Variants in CCDC97 observed in about 807,000 individuals in gnomAD.
The protein encoded by CCDC97 is coiled-coil domain containing 97.
In CCDC97, 27 loss-of-function variants were observed where a neutral mutation model predicts 33.9. The observed-to-expected ratio is 0.80, with a 90% CI of 0.59 to 1.10. The LOEUF (loss-of-function observed/expected upper bound fraction) is 1.10, where lower values mean the gene tolerates loss of function less well. Among genes scored for constraint, CCDC97 ranks in the 50% least tolerant of loss-of-function variants. The pLI is 0.00. For synonymous variants in CCDC97, 217 were observed against 194.0 expected, an observed-to-expected ratio of 1.12 and a Z score of -0.99; for missense variants, 422 against 476.6, an observed-to-expected ratio of 0.89 and a Z score of 1.07.
At chr19:41,316,251 T>C (rs2037744172) in intron 1 of CCDC97, 133 bp from the exon 2 acceptor site, 2 of 651,132 alleles carry the variant, frequency 3.1e-6, no homozygotes, top group South Asian at 4.0e-5. Context: ...TTGCTCACTG[T>C]GGTTTCTCTA....
At chr19:41,310,583 A>G (rs1175448362) in intron 1 of CCDC97, 1 of 985,068 alleles carries the variant, frequency 1.0e-6, no homozygotes, top group East Asian at 1.1e-4. Flanking sequence ...CCAGTTCCAG[A>G]CCAATCCTTT....
chr19:41,322,747 C>T lies in CCDC97; in HGVS notation c.*32C>T. On this transcript the variant is annotated 3_prime_UTR_variant, in exon 5 of 5. Transcript: ENST00000269967. ...CCACCCTTCCCACCGCCTGCCCCATCCCCATCCCCAACAAGGCAGCTGATT... is the reference window on the plus strand; with the variant it reads ...CCACCCTTCCCACCGCCTGCCCCATTCCCATCCCCAACAAGGCAGCTGATT... 2 of 1,606,024 alleles carry T rather than the reference C, an allele frequency of 1.2e-6. No homozygotes were observed. The highest frequency in any genetic ancestry group is 1.3e-5 in the African/African-American group (1 of 74,852).
At chr19:41,311,284 A>G (rs1339416807) in intron 1 of CCDC97, among the ~76,000 whole-genome samples, 1 of 151,994 alleles carries the variant, frequency 6.6e-6, no homozygotes, top group Non-Finnish European at 1.5e-5. Flanking sequence ...GCTACTCAGG[A>G]GACTAAGGTG....
In CCDC97 at chr19:41,320,346, A is replaced by C. The variant is rs746619936; in HGVS notation, c.787A>C (p.Arg263=). Residue 263 remains arginine (R), a synonymous_variant, in exon 4 of 5, where the codon AGG becomes CGG. Coordinates refer to ENST00000269967, the MANE Select transcript of CCDC97 (RefSeq NM_052848.3). ...EEEDSDEEDQ[R]SGKDSEAWVP... is the part of the protein sequence containing the mutation. Reference sequence around the variant, plus strand: ...CCTCTCCTCTCCCTCTGCAGACCAGAGGTCAGGCAAGGACTCGGAGGCCTG... The same window carrying C: ...CCTCTCCTCTCCCTCTGCAGACCAGCGGTCAGGCAAGGACTCGGAGGCCTG... 1 of 1,613,846 alleles carries C rather than the reference A, an allele frequency of 6.2e-7. No individual in the cohort carries two copies. The highest frequency in any genetic ancestry group is 1.1e-5 in the South Asian group (1 of 91,076).
At chr19:41,322,241 C>T (rs982943409) in intron 4 of CCDC97, among the ~76,000 whole-genome samples, 1 of 152,180 alleles carries the variant, frequency 6.6e-6, no homozygotes, top group Non-Finnish European at 1.5e-5. Flanking sequence ...ACTACAGGTG[C>T]TCACCACCAC....
At chr19:41,317,200 G>A (rs1163322319) in intron 2 of CCDC97, among the ~76,000 whole-genome samples, 1 of 152,106 alleles carries the variant, frequency 6.6e-6, no homozygotes, top group Non-Finnish European at 1.5e-5. Flanking sequence ...AGGCATCAGG[G>A]GAAACCAAAA....
chr19:41,319,707 C>G lies in CCDC97; in HGVS notation c.636C>G (p.Ser212=), dbSNP rs3745294. ...CCCACCAGCCCCCCAAGCCCGGGTCCCCCGGGAGACCTGCTTGCCCGCTCT... is the reference window on the plus strand; with the variant it reads ...CCCACCAGCCCCCCAAGCCCGGGTCGCCCGGGAGACCTGCTTGCCCGCTCT... The part of the protein sequence containing the change: ...TPTHQPPKPG[S]PGRPACPLSN... The change falls in exon 3 of 5, where the codon TCC becomes TCG. Residue 212 remains serine (S), a synonymous_variant. Transcript: ENST00000269967. The G allele has an allele frequency of 6.2e-7, 1 of 1,613,906 alleles. No homozygotes were observed.
chr19:41,321,909 T>G (rs1260210912), intron 4 of CCDC97, among the ~76,000 whole-genome samples: 6 of 152,186 alleles, frequency 3.9e-5, no homozygotes, highest in Non-Finnish European at 8.8e-5. Flanking sequence ...CTGCCTGTGG[T>G]CAGCTCTGGC....
rs751004878 is a variant in CCDC97, at chr19:41,316,675, C to T, written c.338C>T (p.Thr113Ile). 18 of 1,614,016 alleles carry T rather than the reference C, an allele frequency of 1.1e-5. No homozygotes were observed. Among genetic ancestry groups the T allele is most frequent in the East Asian group, 2.2e-5 (1 of 44,890 alleles). ...CTGGTGTTCCTGGAGCGCTTCCGCACAGGCCTCCGTGAGGAGCATCTGGCC... is the reference window on the plus strand; with the variant it reads ...CTGGTGTTCCTGGAGCGCTTCCGCATAGGCCTCCGTGAGGAGCATCTGGCC... Reference protein sequence around the residue: ...KPLVFLERFRTGLREEHLACF... With the variant: ...KPLVFLERFRIGLREEHLACF... The change falls in exon 2 of 5, where the codon ACA (threonine) becomes ATA (isoleucine). Residue 113 changes from threonine (T) to isoleucine (I), a missense_variant. By Grantham distance (89) the Thr-to-Ile change is moderately conservative. Transcript: ENST00000269967.
chr19:41,310,231 C>A lies in CCDC97; in HGVS notation c.-80C>A, dbSNP rs1377818683. On this transcript the variant is annotated 5_prime_UTR_variant, in exon 1 of 5. Coordinates refer to ENST00000269967, the MANE Select transcript of CCDC97 (RefSeq NM_052848.3). ...CACCCGGACCCGGAACATTCTCAGG[C>A]GAAAGTGTCTCTTGCGTGCGTGGGC... The A allele has an allele frequency of 2.6e-6, 4 of 1,538,948 alleles. No individual in the cohort carries two copies. The highest frequency in any genetic ancestry group is 3.5e-6 in the Non-Finnish European group (4 of 1,135,894).
At position 41,310,189 on chromosome 19, in the gene CCDC97, G is replaced by T. The variant is rs183882962; in HGVS notation, c.-122G>T. The T allele has an allele frequency of 3.2e-5, 45 of 1,392,560 alleles. No homozygotes were observed. Among genetic ancestry groups the T allele is most frequent in the African/African-American group, 5.7e-5 (4 of 70,068 alleles). 86.3% of individuals were successfully genotyped at this position (1,392,560 alleles called of 1,614,324 possible). A position where few individuals can be genotyped will look rare whatever the true frequency, so the allele number is the denominator to read the frequency against. On this transcript the variant is annotated 5_prime_UTR_variant, in exon 1 of 5. Transcript: ENST00000269967. ...TCTGCCTTAGGCCCGGAACTTCGGT[G>T]CCTGGGCGCAGCGGTGCACCCGGAC...
intron 3 of CCDC97, among the ~76,000 whole-genome samples, 185 bp downstream of exon 3, chr19:41,320,037 G>C (rs947535213): frequency 1.3e-5 from 2 of 151,960 alleles, no homozygotes. Context: ...CCCCCACTCT[G>C]AGGCACCAAA....
chr19:41,316,875 GGGGA>G, intron 2 of CCDC97, 36 bp downstream of exon 2: 1 of 1,446,400 alleles, frequency 6.9e-7, no homozygotes, highest in African/African-American at 1.4e-5. Flanking sequence ...GGGCACATAT[GGGGA>G]GGGAGGGGAG....
chr19:41,312,602 C>G (rs1267188003), intron 1 of CCDC97, among the ~76,000 whole-genome samples: 1 of 152,192 alleles, frequency 6.6e-6, no homozygotes, highest in Non-Finnish European at 1.5e-5. Context: ...TTTATTCTCT[C>G]ATAGTTCTCA....
At position 41,322,670 on chromosome 19, in the gene CCDC97, G is replaced by A. The variant is rs996009663; in HGVS notation, c.987G>A (p.Glu329=). 6 of 1,613,772 alleles carry A rather than the reference G, an allele frequency of 3.7e-6. No homozygotes were observed. In the African/African-American group the frequency reaches 4.0e-5, roughly 11 times the overall value. Residue 329 remains glutamate, a synonymous_variant, in exon 5 of 5, where the codon GAG becomes GAA. Transcript: ENST00000269967. ...ATGAGGAGGAGAGGTACTTTGATGA[G>A]GAAGAACCTGAGGATGCGCCCAGCC... ...ARDEEERYFD[E]EEPEDAPSPE...
chr19:41,313,329 T>G (rs2037708896), intron 1 of CCDC97, among the ~76,000 whole-genome samples: 1 of 151,872 alleles, frequency 6.6e-6, no homozygotes, highest in Non-Finnish European at 1.5e-5. Flanking sequence ...TCCTGAGGAG[T>G]CTGGAGGCCC....
At position 41,323,340 on chromosome 19, in the gene CCDC97, G is replaced by A. The variant is rs2037846078; in HGVS notation, c.*625G>A. 1 of 153,368 alleles carries A rather than the reference G, an allele frequency of 6.5e-6. No individual in the cohort carries two copies. The highest frequency in any genetic ancestry group is 2.0e-4 in the South Asian group (1 of 4,994). The allele number at this position is 153,368 out of a possible 1,614,324, so 9.5% of individuals were successfully genotyped here. ...CTACTTGTACATTTCCACCTCTCTA[G>A]GCCTCTGCTCTCACTGTCCCTCTCT... is the stretch of plus-strand genomic sequence containing the variant. On this transcript the variant is annotated 3_prime_UTR_variant, in exon 5 of 5. Transcript: ENST00000269967.
At position 41,320,901 on chromosome 19, in the gene CCDC97, A is replaced by G. The variant is rs762317155; in HGVS notation, c.911+431A>G. The stretch of plus-strand genomic sequence containing the variant: ...AGGGGCCTGCACTGGCTGCCCCCAC[A>G]GTTACAGTTGTTCATTTCTCCAGTA... On this transcript the variant is annotated intron_variant, in intron 4 of 4. Transcript: ENST00000269967. 74 of 173,766 alleles carry G rather than the reference A, an allele frequency of 4.3e-4. 2 individuals are homozygous for G. The highest frequency in any genetic ancestry group is 2.7e-4 in the Non-Finnish European group (22 of 80,186). 10.8% of individuals were successfully genotyped at this position (173,766 alleles called of 1,614,324 possible). A position where few individuals can be genotyped will look rare whatever the true frequency, so the allele number is the denominator to read the frequency against.
intron 3 of CCDC97, 55 bp from the exon 4 acceptor site, chr19:41,320,286 T>C: frequency 1.2e-6 from 2 of 1,606,750 alleles, no homozygotes; most frequent in Non-Finnish European, 1.7e-6. Context: ...GACTCTGTGC[T>C]CAGTGCCTGC....
Sources: allele counts gnomAD v4.1 joint callset (sites outside exome capture counted in the v4.1 genomes callset), GRCh38; gene constraint gnomAD v4.1.1; transcripts MANE v1.5; gene names NCBI Gene and HGNC (gene_info 2026-07-23, HGNC 2026-07-21).